The following ASS1 variants were observed in gnomAD, a reference collection of about 807,000 sequenced individuals.
ASS1 encodes the protein argininosuccinate synthase 1, also known as argininosuccinate synthase.
In ASS1, 58 loss-of-function variants were observed where a neutral mutation model predicts 60.5. The observed-to-expected ratio is 0.96, with a 90% CI of 0.78 to 1.19. The LOEUF is 1.19. Ranked by LOEUF, ASS1 falls within the 50% of genes most tolerant of loss-of-function variation. The pLI is 0.00. For missense variants in ASS1, 454 were observed against 547.3 expected, an observed-to-expected ratio of 0.83 and a Z score of 1.70; for synonymous variants, 200 against 206.9, an observed-to-expected ratio of 0.97 and a Z score of 0.29.
chr9:130,495,368 A>G (rs1191799501), intron 13 of ASS1, among the ~76,000 whole-genome samples: 1 of 151,790 alleles, frequency 6.6e-6, no homozygotes, highest in East Asian at 1.9e-4. Flanking sequence ...AGATTGCTTG[A>G]GCCCAGGAGT....
intron 11 of ASS1, among the ~76,000 whole-genome samples, chr9:130,484,321 G>A (rs1162075384): frequency 6.6e-6 from 1 of 152,108 alleles, no homozygotes; most frequent in Non-Finnish European, 1.5e-5. Flanking sequence ...GCCTAACCTG[G>A]CAGCCTCAGG....
chr9:130,482,509 A>C (rs1846198731), intron 11 of ASS1, among the ~76,000 whole-genome samples: 1 of 151,880 alleles, frequency 6.6e-6, no homozygotes, highest in Non-Finnish European at 1.5e-5. Flanking sequence ...ATACGTGATG[A>C]AAGTGTATTG....
intron 4 of ASS1, 44 bp from the exon 5 acceptor site, chr9:130,464,067 C>T (rs769193046): frequency 1.2e-6 from 2 of 1,608,768 alleles, no homozygotes; most frequent in Non-Finnish European, 1.7e-6. Flanking sequence ...GACTCCAGAA[C>T]CCCCATCCTG....
intron 7 of ASS1, 50 bp from the exon 8 acceptor site, chr9:130,471,435 C>A: frequency 1.2e-6 from 2 of 1,604,380 alleles, no homozygotes; most frequent in Non-Finnish European, 1.7e-6. Flanking sequence ...GGGATGGGGA[C>A]ATGCCATGTC....
At chr9:130,451,375 CCTGT>C (rs1845321979) in intron 1 of ASS1, among the ~76,000 whole-genome samples, 1 of 152,182 alleles carries the variant, frequency 6.6e-6, no homozygotes, top group Non-Finnish European at 1.5e-5. Context: ...TAGGCCTCTG[CCTGT>C]CTATCGCCTT....
In ASS1 at chr9:130,459,609, A is replaced by G. The variant is rs1438208510; in HGVS notation, c.363+1020A>G. On this transcript the variant is annotated intron_variant, in intron 4 of 14. Coordinates refer to ENST00000352480, the MANE Select transcript of ASS1 (RefSeq NM_054012.4). The surrounding 1 kb of genome is among the most constrained non-coding windows in gnomAD (Gnocchi z 4.6). ...CCACCACACCCGGCTAATTTTTTGTATTTTTAGTAGAGACGGGGTTTCGCC... is the reference window on the plus strand; with the variant it reads ...CCACCACACCCGGCTAATTTTTTGTGTTTTTAGTAGAGACGGGGTTTCGCC... Among the ~76,000 whole-genome samples, 1 of 152,004 alleles carries G rather than the reference A, an allele frequency of 6.6e-6. No homozygotes were observed. Among genetic ancestry groups the G allele is most frequent in the African/African-American group, 2.4e-5 (1 of 41,392 alleles).
chr9:130,459,320 G>C lies in ASS1; in HGVS notation c.363+731G>C, dbSNP rs1845527552. Among the ~76,000 whole-genome samples the C allele has an allele frequency of 6.6e-6, 1 of 151,990 alleles. No homozygotes were observed. On this transcript the variant is annotated intron_variant, in intron 4 of 14. Coordinates refer to ENST00000352480, the MANE Select transcript of ASS1 (RefSeq NM_054012.4). This position sits in a 1 kb window ranked among gnomAD's most constrained non-coding sequence, Gnocchi z 4.6. ...CATCTTCCCAAGCTGTCTTCTTCCTGTATCTCTGCATTGTCTTCCCTCTGC... is the reference window on the plus strand; with the variant it reads ...CATCTTCCCAAGCTGTCTTCTTCCTCTATCTCTGCATTGTCTTCCCTCTGC...
chr9:130,455,495 A>G (rs1845428708), intron 3 of ASS1, among the ~76,000 whole-genome samples: 1 of 152,194 alleles, frequency 6.6e-6, no homozygotes, highest in Non-Finnish European at 1.5e-5. Context: ...CCTTCTGTCC[A>G]TCATCCCCCT....
At chr9:130,455,451 T>TCACCCATCCATC (rs1554982486) in intron 3 of ASS1, among the ~76,000 whole-genome samples, 2 of 151,498 alleles carry the variant, frequency 1.3e-5, no homozygotes, top group African/African-American at 2.4e-5. Context: ...ATCCATCCAT[T>TCACCCATCCATC]CATCCATCCA....
At chr9:130,485,571 G>C (rs56142120) in intron 11 of ASS1, among the ~76,000 whole-genome samples, 15,555 of 152,180 alleles carry the variant, frequency 0.1, 885 homozygotes, top group African/African-American at 0.11. Context: ...TGGGTGTCTA[G>C]GAGTTGAAAA....
chr9:130,455,071 T>C (rs1311415851), intron 3 of ASS1, among the ~76,000 whole-genome samples: 15 of 129,674 alleles, frequency 1.2e-4, no homozygotes, highest in Middle Eastern at 5.6e-3. Context: ...ATCCATCCAT[T>C]CACCCATCAT....
In ASS1 at chr9:130,476,808, G is replaced by T. The variant is rs778028048; in HGVS notation, c.598-63G>T. On this transcript the variant is annotated intron_variant, in intron 8 of 14. Coordinates refer to ENST00000352480, the MANE Select transcript of ASS1 (RefSeq NM_054012.4). The surrounding 1 kb of genome is among the most constrained non-coding windows in gnomAD (Gnocchi z 4.9). ...AGAGGGGTGCAGATCCCCGCGGGAGGTGGGCTGTAGGGTGTCCAGGGACTG... is the reference window on the plus strand; with the variant it reads ...AGAGGGGTGCAGATCCCCGCGGGAGTTGGGCTGTAGGGTGTCCAGGGACTG... The T allele has an allele frequency of 2.3e-5, 33 of 1,466,488 alleles. No homozygotes were observed. The highest frequency in any genetic ancestry group is 1.0e-4 in the Admixed American group (6 of 59,808). The allele number at this position is 1,466,488 out of a possible 1,614,324, so 90.8% of individuals were successfully genotyped here.
At chr9:130,466,895 C>A in intron 6 of ASS1, 96 bp downstream of exon 6, 1 of 1,381,436 alleles carries the variant, frequency 7.2e-7, no homozygotes, top group Non-Finnish European at 1.0e-6. Flanking sequence ...TGGCCTAGGC[C>A]GGGACTGACC....
At chr9:130,468,521 C>T (rs1845797881) in intron 6 of ASS1, among the ~76,000 whole-genome samples, 1 of 152,218 alleles carries the variant, frequency 6.6e-6, no homozygotes, top group Non-Finnish European at 1.5e-5. Flanking sequence ...ATCTGACCCT[C>T]CTACCTCAGC....
intron 11 of ASS1, among the ~76,000 whole-genome samples, chr9:130,484,962 C>T (rs776313371): frequency 5.9e-5 from 9 of 152,182 alleles, no homozygotes; most frequent in Non-Finnish European, 8.8e-5. Context: ...TCCCCTTGCC[C>T]GTGAGCCCTC....
chr9:130,452,587 G>T (rs1845352944), intron 2 of ASS1, among the ~76,000 whole-genome samples: 1 of 152,204 alleles, frequency 6.6e-6, no homozygotes, highest in South Asian at 2.1e-4. Flanking sequence ...CGCGGGGAGG[G>T]CACAGAAGTG....
At chr9:130,498,707 C>T (rs952991480) in intron 13 of ASS1, among the ~76,000 whole-genome samples, 2 of 152,174 alleles carry the variant, frequency 1.3e-5, no homozygotes, top group African/African-American at 2.4e-5. Context: ...AAGGCTGAGG[C>T]TCCGAGTGCA....
In ASS1 at chr9:130,470,487, G is replaced by T. The variant is rs1172159146; in HGVS notation, c.496-347G>T. On this transcript the variant is annotated intron_variant, in intron 6 of 14. Transcript: ENST00000352480. The surrounding 1 kb of genome is among the most constrained non-coding windows in gnomAD (Gnocchi z 4.3). Reference sequence around the variant, plus strand: ...AGCGGGTTCACACAAGCCCCAGCTCGTAGGGTGGTGGCGGGGCTGGTTGGC... The same window carrying T: ...AGCGGGTTCACACAAGCCCCAGCTCTTAGGGTGGTGGCGGGGCTGGTTGGC... Among the ~76,000 whole-genome samples the T allele has an allele frequency of 6.6e-6, 1 of 152,224 alleles. No individual in the cohort carries two copies. The highest frequency in any genetic ancestry group is 1.5e-5 in the Non-Finnish European group (1 of 68,044).
chr9:130,449,420 C>G (rs894435878), intron 1 of ASS1, among the ~76,000 whole-genome samples: 4 of 151,118 alleles, frequency 2.6e-5, no homozygotes, highest in African/African-American at 4.9e-5. Context: ...TGCAGGTGAT[C>G]CAGCTGTTTC....
Sources: allele counts gnomAD v4.1 joint callset (sites outside exome capture counted in the v4.1 genomes callset), GRCh38; gene constraint gnomAD v4.1.1; non-coding constraint Gnocchi (gnomAD v3.1); transcripts MANE v1.5; gene names NCBI Gene and HGNC (gene_info 2026-07-23, HGNC 2026-07-21).